The following MFSD8 variants were observed in gnomAD, a reference collection of about 807,000 sequenced individuals.
MFSD8 encodes major facilitator superfamily domain containing 8, also known as major facilitator superfamily domain-containing protein 8.
Under a neutral mutation model 66.4 loss-of-function variants are expected in MFSD8, and 55 were observed. The observed-to-expected ratio is 0.83, with a 90% CI of 0.67 to 1.04. MFSD8 has a LOEUF of 1.04. Ranked by LOEUF, MFSD8 falls within the 50% of genes least tolerant of loss-of-function variation. The pLI is 0.00. For missense variants in MFSD8, 550 were observed against 627.6 expected, an observed-to-expected ratio of 0.88 and a Z score of 1.32; for synonymous variants, 202 against 212.8, an observed-to-expected ratio of 0.95 and a Z score of 0.44.
At position 127,921,587 on chromosome 4, in the gene MFSD8, G is replaced by A. The variant is rs138072045; in HGVS notation, c.1287C>T (p.Gly429=). The A allele has an allele frequency of 1.2e-4, 189 of 1,614,184 alleles. No individual in the cohort carries two copies. The African/African-American group carries it at 2.3e-3, about 20-fold the overall frequency. Residue 429 remains glycine (G), a synonymous_variant, in exon 11 of 12, where the codon GGC becomes GGT. Transcript: ENST00000641686. Reference sequence around the variant, plus strand: ...AGGACATAAGATTGCAGACTGGATAGCCTAATCCTATTAGCACAGCTGATG... The same window carrying A: ...AGGACATAAGATTGCAGACTGGATAACCTAATCCTATTAGCACAGCTGATG... The part of the protein sequence containing the change: ...FLTSAVLIGL[G]YPVCNLMSYT...
intron 5 of MFSD8, 149 bp from the exon 6 acceptor site, chr4:127,940,146 A>T: frequency 1.3e-6 from 1 of 772,974 alleles, no homozygotes; most frequent in East Asian, 2.7e-5. Context: ...TTGGTTCTTG[A>T]TGGGGGGTCA....
chr4:127,944,451 T>C (rs1360285773), intron 3 of MFSD8, among the ~76,000 whole-genome samples: 2 of 152,090 alleles, frequency 1.3e-5, no homozygotes, highest in Non-Finnish European at 2.9e-5. Flanking sequence ...AAGAAGATAA[T>C]AAAAACACAA....
Position 127,965,158 on chromosome 4 carries a change from T to C in MFSD8, c.-25A>G. ...TAGTTACACTCCCTACAAGGCGTCT[T>C]GCGCCCAACTCTCGCGACACCTGCT... is the stretch of plus-strand genomic sequence containing the variant. On this transcript the variant is annotated 5_prime_UTR_variant, in exon 1 of 12. Coordinates refer to ENST00000641686, the MANE Select transcript of MFSD8 (RefSeq NM_001371596.2). 6.2e-7 allele frequency: 1 copy of C among 1,613,596 alleles called. No homozygotes were observed. Among genetic ancestry groups the C allele is most frequent in the Non-Finnish European group, 8.5e-7 (1 of 1,179,916 alleles).
At chr4:127,952,201 C>T (rs116085789) in intron 2 of MFSD8, among the ~76,000 whole-genome samples, 4 of 150,872 alleles carry the variant, frequency 2.7e-5, no homozygotes, top group Non-Finnish European at 5.9e-5. Flanking sequence ...GTCAGGCTAT[C>T]GAGCCCATCC....
At chr4:127,964,328 C>G (rs62335594) in intron 1 of MFSD8, among the ~76,000 whole-genome samples, 1 of 152,216 alleles carries the variant, frequency 6.6e-6, no homozygotes, top group Admixed American at 6.5e-5. Flanking sequence ...CAGGAGCCCA[C>G]GGAGTGGGTG....
At chr4:127,952,751 T>G (rs1281377243) in intron 2 of MFSD8, among the ~76,000 whole-genome samples, 1 of 151,520 alleles carries the variant, frequency 6.6e-6, no homozygotes, top group Admixed American at 6.6e-5. Flanking sequence ...GCACCTGTAG[T>G]CTCATCTATT....
Position 127,920,533 on chromosome 4 carries a change from T to G in MFSD8, c.*97A>C. 2 of 1,181,780 alleles carry G rather than the reference T, an allele frequency of 1.7e-6. No homozygotes were observed. The highest frequency in any genetic ancestry group is 2.5e-6 in the Non-Finnish European group (2 of 794,084). 73.2% of individuals were successfully genotyped at this position (1,181,780 alleles called of 1,614,324 possible). On this transcript the variant is annotated 3_prime_UTR_variant, in exon 12 of 12. Coordinates refer to ENST00000641686, the MANE Select transcript of MFSD8 (RefSeq NM_001371596.2). ...TCTTCAAAATCTGCAATATCTGTAG[T>G]CTGATTCTTGGAGACTGGCTCACCG...
intron 9 of MFSD8, among the ~76,000 whole-genome samples, chr4:127,926,778 G>T (rs907988981): frequency 3.3e-5 from 5 of 152,152 alleles, no homozygotes; most frequent in Non-Finnish European, 7.3e-5. Context: ...CCTTATTAAA[G>T]TACATACAGT....
chr4:127,925,659 A>G (rs1386370660), intron 9 of MFSD8, among the ~76,000 whole-genome samples: 2 of 152,342 alleles, frequency 1.3e-5, no homozygotes, highest in African/African-American at 4.8e-5. Flanking sequence ...AATTAGTTCA[A>G]CCATTGTGGA....
chr4:127,949,362 C>T (rs763046029), intron 3 of MFSD8, among the ~76,000 whole-genome samples: 13 of 152,150 alleles, frequency 8.5e-5, no homozygotes, highest in Admixed American at 2.0e-4. Flanking sequence ...TCAAAAAATA[C>T]ATATGTTCTA....
At chr4:127,952,183 A>ATCATGAGGTCAGGC (rs1456272328) in intron 2 of MFSD8, among the ~76,000 whole-genome samples, 1 of 151,378 alleles carries the variant, frequency 6.6e-6, no homozygotes, top group Non-Finnish European at 1.5e-5. Context: ...GGGTGGGCGG[A>ATCATGAGGTCAGGC]TCATGAGGTC....
intron 9 of MFSD8, among the ~76,000 whole-genome samples, chr4:127,928,251 A>G (rs903894464): frequency 3.9e-5 from 6 of 152,010 alleles, no homozygotes; most frequent in African/African-American, 1.4e-4. Flanking sequence ...TTTAGTAGAA[A>G]TGTGCCACCA....
At chr4:127,921,372 A>G in intron 11 of MFSD8, 152 bp downstream of exon 11, 3 of 1,264,686 alleles carry the variant, frequency 2.4e-6, no homozygotes, top group East Asian at 2.5e-5. Flanking sequence ...AATGAACTTT[A>G]TAGAAGTTGT....
chr4:127,919,685 T>C lies in MFSD8; in HGVS notation c.*945A>G, dbSNP rs1283083593. The stretch of plus-strand genomic sequence containing the variant: ...GCAGCTCTACACAACTATGCAGACA[T>C]AGATTGAAAACTGTTGTGTTCCTCC... On this transcript the variant is annotated 3_prime_UTR_variant, in exon 12 of 12. Transcript: ENST00000641686. The C allele has an allele frequency of 4.6e-5, 7 of 152,006 alleles. No homozygotes were observed. The highest frequency in any genetic ancestry group is 1.5e-5 in the Non-Finnish European group (1 of 67,984). The allele number at this position is 152,006 out of a possible 1,614,324, so 9.4% of individuals were successfully genotyped here. A position where few individuals can be genotyped will look rare whatever the true frequency, so the allele number is the denominator to read the frequency against.
intron 3 of MFSD8, 115 bp from the exon 4 acceptor site, chr4:127,944,107 A>G: frequency 2.2e-6 from 3 of 1,371,852 alleles, no homozygotes; most frequent in Non-Finnish European, 3.0e-6. Context: ...ATTCTAACGT[A>G]TAAGTTTTAT....
intron 1 of MFSD8, among the ~76,000 whole-genome samples, chr4:127,957,924 G>C (rs754951956): frequency 2.0e-5 from 3 of 152,064 alleles, no homozygotes; most frequent in Non-Finnish European, 2.9e-5. Context: ...ATTACGTCAA[G>C]ATAAATCAAA....
chr4:127,947,863 A>AACACACACACACAC (rs10648496), intron 3 of MFSD8, among the ~76,000 whole-genome samples: 5 of 141,186 alleles, frequency 3.5e-5, no homozygotes, highest in Admixed American at 7.2e-5. Context: ...TGCACGTGTG[A>AACACACACACACAC]ACACACACAC....
chr4:127,924,322 C>T (rs112592707), intron 9 of MFSD8, among the ~76,000 whole-genome samples: 1,983 of 152,102 alleles, frequency 0.013, 37 homozygotes, highest in Non-Finnish European at 0.02. Flanking sequence ...TATTCTCTGA[C>T]GGTAGTTTGT....
At chr4:127,944,386 T>A (rs1740694511) in intron 3 of MFSD8, among the ~76,000 whole-genome samples, 1 of 152,112 alleles carries the variant, frequency 6.6e-6, no homozygotes, top group South Asian at 2.1e-4. Context: ...TAAACAGCCA[T>A]TAGCGCTGTA....
Sources: allele counts gnomAD v4.1 joint callset (sites outside exome capture counted in the v4.1 genomes callset), GRCh38; gene constraint gnomAD v4.1.1; transcripts MANE v1.5; gene names NCBI Gene and HGNC (gene_info 2026-07-23, HGNC 2026-07-21).